BTBD8: variants seen among roughly 807,000 people sequenced by gnomAD.
BTBD8 encodes the protein BTB domain containing 8, also known as BTB/POZ domain-containing protein 8.
BTBD8 carries 110 observed loss-of-function variants against 162.9 expected under a neutral mutation model. The observed-to-expected ratio is 0.68, with a 90% CI of 0.58 to 0.79. The LOEUF (loss-of-function observed/expected upper bound fraction) is 0.79. BTBD8 is among the 30% of genes least tolerant of loss of function. The pLI is 0.00. For synonymous variants in BTBD8, 667 were observed against 716.1 expected, an observed-to-expected ratio of 0.93 and a Z score of 1.10; for missense variants, 1,905 against 2,085.4, an observed-to-expected ratio of 0.91 and a Z score of 1.68.
At chr1:92,145,605 CAA>C (rs1002294622) in intron 7 of BTBD8, among the ~76,000 whole-genome samples, 2 of 152,206 alleles carry the variant, frequency 1.3e-5, no homozygotes, top group Non-Finnish European at 2.9e-5. Context: ...GGATATGTAA[CAA>C]GAGAAGTGAG....
chr1:92,171,551 TC>T, intron 13 of BTBD8, 91 bp downstream of exon 13: 1 of 817,422 alleles, frequency 1.2e-6, no homozygotes, highest in Non-Finnish European at 1.8e-6. Flanking sequence ...GTTTTAAAAA[TC>T]TATTCATTAA....
intron 1 of BTBD8, among the ~76,000 whole-genome samples, chr1:92,081,518 A>G (rs1481336497): frequency 6.6e-6 from 1 of 152,220 alleles, no homozygotes; most frequent in Non-Finnish European, 1.5e-5. Flanking sequence ...GGCTAGGGTG[A>G]CTATGAGAAC....
intron 4 of BTBD8, among the ~76,000 whole-genome samples, chr1:92,116,997 T>A (rs1402954097): frequency 6.6e-6 from 1 of 151,766 alleles, no homozygotes; most frequent in Non-Finnish European, 1.5e-5. Context: ...TGCAGGCATT[T>A]GCCATCATAC....
intron 1 of BTBD8, among the ~76,000 whole-genome samples, chr1:92,087,177 A>G (rs1648184428): frequency 6.6e-6 from 1 of 152,182 alleles, no homozygotes; most frequent in Admixed American, 6.5e-5. Context: ...TCACATTAAC[A>G]ATTTTATACA....
At position 92,177,916 on chromosome 1, in the gene BTBD8, G is replaced by A. The variant is rs1158253735; in HGVS notation, c.2441+18G>A. 10 of 1,270,808 alleles carry A rather than the reference G, an allele frequency of 7.9e-6. No individual in the cohort carries two copies. The highest frequency in any genetic ancestry group is 1.1e-5 in the Non-Finnish European group (10 of 902,480). 78.7% of individuals were successfully genotyped at this position (1,270,808 alleles called of 1,614,324 possible). On this transcript the variant is annotated intron_variant, in intron 15 of 17. Transcript: ENST00000636805. ...AATAACAGGTAGGTCTTCATTCAGTGTTTTAACCTATCTGTTAGCTTTCTC... is the reference window on the plus strand; with the variant it reads ...AATAACAGGTAGGTCTTCATTCAGTATTTTAACCTATCTGTTAGCTTTCTC...
intron 4 of BTBD8, chr1:92,125,660 A>G: frequency 3.1e-6 from 1 of 321,518 alleles, no homozygotes; most frequent in African/African-American, 2.2e-5. Context: ...ATTATACCAA[A>G]AGATTATAAG....
chr1:92,104,042 T>A (rs372162332), intron 3 of BTBD8, among the ~76,000 whole-genome samples: 16 of 152,224 alleles, frequency 1.1e-4, no homozygotes, highest in African/African-American at 3.9e-4. Context: ...GGTGCATGGC[T>A]CAGTTCAGCT....
Position 92,111,053 on chromosome 1 carries a change from G to A in BTBD8, c.662+3052G>A, listed in dbSNP as rs368743988. Among the ~76,000 whole-genome samples, 592 of 150,832 alleles carry A rather than the reference G, an allele frequency of 3.9e-3. 5 individuals carry two copies. The highest frequency in any genetic ancestry group is 0.014 in the African/African-American group (557 of 40,984). On this transcript the variant is annotated intron_variant, in intron 4 of 17. Coordinates refer to ENST00000636805, the MANE Select transcript of BTBD8 (RefSeq NM_001376131.1). ...TTTGCCGAGGCTGGAGTGCAGTGGC[G>A]TAATCTTAGCTCACTGCAACCTCTG... is the stretch of plus-strand genomic sequence containing the variant.
chr1:92,156,570 TG>T (rs1231711523), intron 9 of BTBD8, among the ~76,000 whole-genome samples: 2 of 152,190 alleles, frequency 1.3e-5, no homozygotes, highest in African/African-American at 4.8e-5. Flanking sequence ...CTATCAGTCC[TG>T]GACTTTTCTT....
At chr1:92,164,633 G>A (rs893324788) in intron 9 of BTBD8, among the ~76,000 whole-genome samples, 3 of 148,866 alleles carry the variant, frequency 2.0e-5, no homozygotes, top group Admixed American at 6.6e-5. Flanking sequence ...AGCTGAGATC[G>A]CACCACTGCA....
chr1:92,178,034 T>G, intron 15 of BTBD8, 136 bp downstream of exon 15: 1 of 573,430 alleles, frequency 1.7e-6, no homozygotes, highest in South Asian at 3.0e-5. Context: ...TAACACAGTT[T>G]TTTATTTATT....
chr1:92,127,164 T>C (rs1557449054), intron 4 of BTBD8, among the ~76,000 whole-genome samples: 1 of 152,218 alleles, frequency 6.6e-6, no homozygotes, highest in Non-Finnish European at 1.5e-5. Flanking sequence ...ACCTGCCTTT[T>C]AAGTTTGGAA....
intron 9 of BTBD8, among the ~76,000 whole-genome samples, chr1:92,164,949 G>A (rs1222140584): frequency 2.0e-5 from 3 of 151,622 alleles, no homozygotes; most frequent in Non-Finnish European, 4.4e-5. Flanking sequence ...ACCTCACCTG[G>A]CCAGTACTTT....
rs1176539093 is a variant in BTBD8 at position 92,088,913 on chromosome 1, C to G, written c.347+18C>G. 2 of 1,563,672 alleles carry G rather than the reference C, an allele frequency of 1.3e-6. No homozygotes were observed. Among genetic ancestry groups the G allele is most frequent in the Admixed American group, 1.8e-5 (1 of 56,778 alleles). On this transcript the variant is annotated intron_variant, in intron 2 of 17. Coordinates refer to ENST00000636805, the MANE Select transcript of BTBD8 (RefSeq NM_001376131.1). ...TTTTTACAGTAAGTGCTTTCTTTATCCATGTAAGTCTAATATGTAATTGCT... is the reference window on the plus strand; with the variant it reads ...TTTTTACAGTAAGTGCTTTCTTTATGCATGTAAGTCTAATATGTAATTGCT...
Position 92,150,203 on chromosome 1 carries a change from A to G in BTBD8, c.1122+2417A>G, listed in dbSNP as rs116083220. On this transcript the variant is annotated intron_variant, in intron 9 of 17. Coordinates refer to ENST00000636805, the MANE Select transcript of BTBD8 (RefSeq NM_001376131.1). ...GACTAATGGATATGAACAAGAGTTAAGTTCCTATGGCATATTTCTGGTCAC... is the reference window on the plus strand; with the variant it reads ...GACTAATGGATATGAACAAGAGTTAGGTTCCTATGGCATATTTCTGGTCAC... Among the ~76,000 whole-genome samples, 673 of 152,362 alleles carry G rather than the reference A, an allele frequency of 4.4e-3. 6 individuals carry two copies. The highest frequency in any genetic ancestry group is 0.016 in the African/African-American group (651 of 41,592).
At position 92,159,147 on chromosome 1, in the gene BTBD8, A is replaced by G. The variant is rs140239878; in HGVS notation, c.1123-7811A>G. ...GATTCATTACTCTTCGTTTGTTTACATATATTTTTCTTTTCTTTCTTTCTT... is the reference window on the plus strand; with the variant it reads ...GATTCATTACTCTTCGTTTGTTTACGTATATTTTTCTTTTCTTTCTTTCTT... On this transcript the variant is annotated intron_variant, in intron 9 of 17. Transcript: ENST00000636805. 2.0e-3 allele frequency among the ~76,000 whole-genome samples: 304 copies of G among 151,378 alleles called. 1 individual carries two copies. Among genetic ancestry groups the G allele is most frequent in the African/African-American group, 6.5e-3 (269 of 41,274 alleles).
intron 4 of BTBD8, among the ~76,000 whole-genome samples, 184 bp downstream of exon 4, chr1:92,108,185 A>G (rs1648788188): frequency 6.6e-6 from 1 of 152,256 alleles, no homozygotes; most frequent in South Asian, 2.1e-4. Context: ...GAGGTTGACC[A>G]TCAGGCAAGG....
chr1:92,102,817 C>T, intron 3 of BTBD8, 148 bp downstream of exon 3: 1 of 618,924 alleles, frequency 1.6e-6, no homozygotes, highest in East Asian at 3.4e-5. Context: ...TTGTTAACTC[C>T]CAGTTTTTCC....
intron 1 of BTBD8, among the ~76,000 whole-genome samples, chr1:92,086,621 ACT>A (rs1339066739): frequency 1.3e-5 from 2 of 151,250 alleles, no homozygotes; most frequent in Non-Finnish European, 2.9e-5. Flanking sequence ...ACAGGGCAAG[ACT>A]CTGTCTCAAA....
Sources: allele counts gnomAD v4.1 joint callset (sites outside exome capture counted in the v4.1 genomes callset), GRCh38; gene constraint gnomAD v4.1.1; transcripts MANE v1.5; gene names NCBI Gene and HGNC (gene_info 2026-07-23, HGNC 2026-07-21).